POLA1: variants seen among roughly 807,000 people sequenced by gnomAD.
POLA1 encodes DNA polymerase alpha 1, catalytic subunit, also known as DNA polymerase alpha catalytic subunit.
Under a neutral mutation model 124.0 loss-of-function variants are expected in POLA1, and 15 were observed. The observed-to-expected ratio is 0.12, with a 90% CI of 0.08 to 0.19. The LOEUF (loss-of-function observed/expected upper bound fraction) is 0.19. POLA1 is among the 10% of genes least tolerant of loss of function. The pLI, the probability that POLA1 is intolerant of heterozygous loss-of-function variation, is 1.00. For missense variants in POLA1, 886 were observed against 1,103.4 expected (o/e 0.80, Z 2.79); for synonymous variants, 408 against 389.4 (o/e 1.05, Z -0.56).
At chrX:24,967,446 G>A (rs947981336) in intron 36 of POLA1, among the ~76,000 whole-genome samples, 2 of 110,526 alleles carry the variant, frequency 1.8e-5, no homozygotes, top group African/African-American at 6.6e-5. Context: ...GAGGTGGGCA[G>A]ATGGCTTGAG....
In POLA1 at chrX:24,693,918, G is replaced by A; in HGVS notation, c.-44G>A. On this transcript the variant is annotated 5_prime_UTR_variant, in exon 1 of 37. Coordinates refer to ENST00000379068, the MANE Select transcript of POLA1 (RefSeq NM_001330360.2). ...GGCTGGCGCCTGTCTCGGCCCCCGC[G>A]CCAGTTTTGGGCTGGTTGGCGCGGA... 2.6e-6 allele frequency: 3 copies of A among 1,162,198 alleles called. No individual in the cohort carries two copies. Among genetic ancestry groups the A allele is most frequent in the Non-Finnish European group, 2.3e-6 (2 of 864,058 alleles).
intron 35 of POLA1, among the ~76,000 whole-genome samples, chrX:24,906,775 A>G (rs1196164752): frequency 8.9e-6 from 1 of 112,302 alleles, no homozygotes; most frequent in Non-Finnish European, 1.9e-5. Flanking sequence ...GGAAGAGTCA[A>G]ATGGATATAT....
intron 34 of POLA1, among the ~76,000 whole-genome samples, chrX:24,882,796 G>C (rs2047020048): frequency 9.2e-6 from 1 of 108,981 alleles, no homozygotes. Flanking sequence ...ATCATGAATA[G>C]TGCTGCAATG....
intron 2 of POLA1, among the ~76,000 whole-genome samples, chrX:24,702,792 T>C (rs1928544796): frequency 8.9e-6 from 1 of 112,362 alleles, no homozygotes; most frequent in Non-Finnish European, 1.9e-5. Flanking sequence ...TGAATTGTAT[T>C]TGGTTGATTG....
rs779637597 is a variant in POLA1 at position 24,938,422 on chromosome X, A to G, written c.4261+7873A>G. ...CAGAGTGAGACTCCATCTCAATAAA[A>G]AAAGAACTGGAGTGTAGTTCTACAC... is the stretch of plus-strand genomic sequence containing the variant. On this transcript the variant is annotated intron_variant, in intron 36 of 36. Coordinates refer to ENST00000379068, the MANE Select transcript of POLA1 (RefSeq NM_001330360.2). Among the ~76,000 whole-genome samples the G allele has an allele frequency of 3.6e-5, 4 of 111,108 alleles. No homozygotes were observed. The South Asian group carries it at 1.6e-3, about 43-fold the overall frequency.
At chrX:24,715,911 G>C (rs760971905) in intron 6 of POLA1, among the ~76,000 whole-genome samples, 56 of 111,384 alleles carry the variant, frequency 5.0e-4, no homozygotes, top group Non-Finnish European at 9.8e-4. Context: ...AATGAAGGAA[G>C]AGTGAGTGAA....
intron 32 of POLA1, among the ~76,000 whole-genome samples, chrX:24,826,823 C>T (rs759219214): frequency 8.9e-6 from 1 of 111,736 alleles, no homozygotes; most frequent in African/African-American, 3.3e-5. Flanking sequence ...ATAGTTGATA[C>T]TCACTGAATA....
chrX:24,953,968 A>G (rs1278853596), intron 36 of POLA1, among the ~76,000 whole-genome samples: 1 of 112,074 alleles, frequency 8.9e-6, no homozygotes, highest in Non-Finnish European at 1.9e-5. Flanking sequence ...AAAGACCTCT[A>G]GTATGACAGT....
chrX:24,948,027 T>C (rs921074540), intron 36 of POLA1, among the ~76,000 whole-genome samples: 1 of 112,316 alleles, frequency 8.9e-6, no homozygotes, highest in Non-Finnish European at 1.9e-5. Flanking sequence ...TTAGTTGTTT[T>C]ATTTGTTCGA....
At chrX:24,709,182 C>CGGGCAGGG (rs1423424303) in intron 4 of POLA1, among the ~76,000 whole-genome samples, 9 of 89,639 alleles carry the variant, frequency 1.0e-4, no homozygotes, top group Non-Finnish European at 1.8e-4. Context: ...GGCGGCTGGC[C>CGGGCAGGG]GGGCAGGGGG....
chrX:24,995,991 T>C lies in POLA1; in HGVS notation c.*41T>C. The stretch of plus-strand genomic sequence containing the variant: ...AACCAAGGAGGGGGTAGTTGAAAAA[T>C]CCCAGCTTCCTCTGTGCCTCCACTC... On this transcript the variant is annotated 3_prime_UTR_variant, in exon 37 of 37. Coordinates refer to ENST00000379068, the MANE Select transcript of POLA1 (RefSeq NM_001330360.2). The C allele has an allele frequency of 8.7e-7, 1 of 1,147,755 alleles. No homozygotes were observed. The highest frequency in any genetic ancestry group is 1.2e-6 in the Non-Finnish European group (1 of 842,813). 94.6% of individuals were successfully genotyped at this position (1,147,755 alleles called of 1,213,427 possible). A position where few individuals can be genotyped will look rare whatever the true frequency, so the allele number is the denominator to read the frequency against.
intron 26 of POLA1, among the ~76,000 whole-genome samples, chrX:24,762,348 G>C (rs1374277394): frequency 1.8e-5 from 2 of 111,841 alleles, no homozygotes; most frequent in African/African-American, 6.5e-5. Context: ...TTAATCAAAT[G>C]GTCAATGAAT....
At chrX:24,992,115 A>G (rs1397939454) in intron 36 of POLA1, among the ~76,000 whole-genome samples, 1 of 112,332 alleles carries the variant, frequency 8.9e-6, no homozygotes, top group Non-Finnish European at 1.9e-5. Flanking sequence ...GGTACTGTGC[A>G]TAGCCGGAAG....
intron 26 of POLA1, among the ~76,000 whole-genome samples, chrX:24,767,254 C>T (rs939412413): frequency 3.6e-5 from 4 of 111,939 alleles, no homozygotes; most frequent in Non-Finnish European, 5.6e-5. Context: ...AAAAATGTAG[C>T]TATAGTTAAA....
intron 34 of POLA1, among the ~76,000 whole-genome samples, chrX:24,845,039 G>A (rs909704970): frequency 2.7e-5 from 3 of 111,916 alleles, no homozygotes; most frequent in African/African-American, 9.7e-5. Context: ...TTCTTTAAGA[G>A]GGAATAGTCT....
rs2046172281 is a variant in POLA1, at chrX:24,826,477, G to A, written c.3612G>A (p.Leu1204=). ...AGAGGGCCTATGCGCCTGAGCAGCTGCAGAAACAGGATAATCTAACCATTG... is the reference window on the plus strand; with the variant it reads ...AGAGGGCCTATGCGCCTGAGCAGCTACAGAAACAGGATAATCTAACCATTG... ...ASQRAYAPEQ[L]QKQDNLTIDT... is the part of the protein sequence containing the mutation. The change falls in exon 32 of 37, where the codon CTG becomes CTA. Residue 1204 remains leucine, a synonymous_variant. Coordinates refer to ENST00000379068, the MANE Select transcript of POLA1 (RefSeq NM_001330360.2). The A allele has an allele frequency of 2.5e-6, 3 of 1,206,018 alleles. No individual in the cohort carries two copies. Among genetic ancestry groups the A allele is most frequent in the Non-Finnish European group, 3.4e-6 (3 of 891,140 alleles).
chrX:24,871,089 C>CAT (rs1293399790), intron 34 of POLA1, among the ~76,000 whole-genome samples: 2 of 111,657 alleles, frequency 1.8e-5, no homozygotes, highest in African/African-American at 6.5e-5. Flanking sequence ...ATGATTGATA[C>CAT]ATATATATAT....
rs923081212 is a variant in POLA1 at position 24,963,554 on chromosome X, C to G, written c.4262-32251C>G. Among the ~76,000 whole-genome samples the G allele has an allele frequency of 3.6e-5, 4 of 111,602 alleles. No homozygotes were observed. The Admixed American group carries it at 3.8e-4, about 11-fold the overall frequency. ...GACAAAAACTCATTTTTCAGCATTT[C>G]TCAAAGAGATATTGCAGAATCAGTA... is the stretch of plus-strand genomic sequence containing the variant. On this transcript the variant is annotated intron_variant, in intron 36 of 36. Transcript: ENST00000379068.
chrX:24,731,218 G>A (rs1930887520), intron 15 of POLA1, among the ~76,000 whole-genome samples: 1 of 111,896 alleles, frequency 8.9e-6, no homozygotes, highest in African/African-American at 3.3e-5. Context: ...AGAAAAACAA[G>A]TTAAGTGACA....
Sources: allele counts gnomAD v4.1 joint callset (sites outside exome capture counted in the v4.1 genomes callset), GRCh38; gene constraint gnomAD v4.1.1; transcripts MANE v1.5; gene names NCBI Gene and HGNC (gene_info 2026-07-23, HGNC 2026-07-21).